The following HS6ST3 variants were observed in gnomAD, a reference collection of about 807,000 sequenced individuals.
The protein encoded by HS6ST3 is heparan sulfate 6-O-sulfotransferase 3.
In HS6ST3, 12 loss-of-function variants were observed where a neutral mutation model predicts 36.7. The observed-to-expected ratio is 0.33, with a 90% CI of 0.21 to 0.53. HS6ST3 has a LOEUF of 0.53. HS6ST3 is among the 20% of genes least tolerant of loss of function. HS6ST3 has a pLI of 0.95. For synonymous variants in HS6ST3, 240 were observed against 257.5 expected, an observed-to-expected ratio of 0.93 and a Z score of 0.65; for missense variants, 584 against 640.9, an observed-to-expected ratio of 0.91 and a Z score of 0.96.
At chr13:96,630,141 G>A (rs1462604933) in intron 1 of HS6ST3, among the ~76,000 whole-genome samples, 5 of 152,170 alleles carry the variant, frequency 3.3e-5, no homozygotes, top group Middle Eastern at 3.4e-3. Context: ...CTTTCTGGGA[G>A]CATGTGAAAC....
At chr13:96,364,333 A>G (rs565477111) in intron 1 of HS6ST3, among the ~76,000 whole-genome samples, 3 of 152,324 alleles carry the variant, frequency 2.0e-5, no homozygotes, top group Admixed American at 2.0e-4. Context: ...AATAGTCAAA[A>G]GGTGAAAACA....
intron 1 of HS6ST3, among the ~76,000 whole-genome samples, chr13:96,438,089 T>G (rs2055651941): frequency 6.6e-6 from 1 of 152,192 alleles, no homozygotes; most frequent in African/African-American, 2.4e-5. Context: ...ACATTCATCT[T>G]TAAGAGTTTC....
chr13:96,693,398 G>A (rs770310919), intron 1 of HS6ST3, among the ~76,000 whole-genome samples: 47 of 152,038 alleles, frequency 3.1e-4, no homozygotes, highest in Admixed American at 1.4e-3. Context: ...TCCACCTCCC[G>A]GGTTCAAGGA....
intron 1 of HS6ST3, among the ~76,000 whole-genome samples, chr13:96,820,606 G>C (rs976073418): frequency 1.3e-5 from 2 of 152,232 alleles, no homozygotes; most frequent in Non-Finnish European, 2.9e-5. Flanking sequence ...GTTTAGGTGA[G>C]GAAACTAAGG....
At chr13:96,744,434 T>G (rs1391900023) in intron 1 of HS6ST3, among the ~76,000 whole-genome samples, 1 of 152,070 alleles carries the variant, frequency 6.6e-6, no homozygotes, top group Non-Finnish European at 1.5e-5. Context: ...AAGAAATGAT[T>G]TTCTATTCAG....
chr13:96,309,684 T>G (rs991570804), intron 1 of HS6ST3, among the ~76,000 whole-genome samples: 1 of 152,190 alleles, frequency 6.6e-6, no homozygotes, highest in Non-Finnish European at 1.5e-5. Context: ...GTAGTTGTTT[T>G]GGCAAAAAGT....
chr13:96,704,524 C>A (rs1291973192), intron 1 of HS6ST3, among the ~76,000 whole-genome samples: 1 of 152,116 alleles, frequency 6.6e-6, no homozygotes, highest in Non-Finnish European at 1.5e-5. Flanking sequence ...GTTGAATGTA[C>A]ATAGAAGCAG....
At chr13:96,563,051 A>G (rs915758535) in intron 1 of HS6ST3, among the ~76,000 whole-genome samples, 3 of 152,228 alleles carry the variant, frequency 2.0e-5, no homozygotes, top group Admixed American at 6.5e-5. Flanking sequence ...CAAAAAAAAA[A>G]AAAAAAAAGT....
intron 1 of HS6ST3, among the ~76,000 whole-genome samples, chr13:96,669,839 G>T (rs546243702): frequency 6.6e-6 from 1 of 152,238 alleles, no homozygotes; most frequent in East Asian, 1.9e-4. Context: ...TAGTTGTGCA[G>T]CTGTTTCTTA....
chr13:96,591,218 T>C (rs1437667583), intron 1 of HS6ST3, among the ~76,000 whole-genome samples: 1 of 152,120 alleles, frequency 6.6e-6, no homozygotes, highest in Non-Finnish European at 1.5e-5. Flanking sequence ...ACTTTTTTTC[T>C]ATTTCTGTGA....
At chr13:96,721,767 G>T (rs1284318378) in intron 1 of HS6ST3, among the ~76,000 whole-genome samples, 1 of 152,080 alleles carries the variant, frequency 6.6e-6, no homozygotes, top group Non-Finnish European at 1.5e-5. Context: ...GACACCCAGG[G>T]CTTGTCTGGC....
chr13:96,626,009 TG>T (rs890007858), intron 1 of HS6ST3, among the ~76,000 whole-genome samples: 10 of 43,492 alleles, frequency 2.3e-4, no homozygotes, highest in Admixed American at 1.3e-3. Flanking sequence ...GCTAATTTTT[TG>T]TATTTTTTTT....
intron 1 of HS6ST3, among the ~76,000 whole-genome samples, chr13:96,830,961 G>A (rs963928929): frequency 4.6e-5 from 7 of 152,316 alleles, no homozygotes; most frequent in East Asian, 1.9e-4. Flanking sequence ...GGCCTGCTCC[G>A]CAATGGGGTC....
rs1413000772 is a variant in HS6ST3 at position 96,360,244 on chromosome 13, G to C, written c.707+268675G>C. Among the ~76,000 whole-genome samples the C allele has an allele frequency of 2.0e-5, 3 of 152,108 alleles. No homozygotes were observed. In the East Asian group the frequency reaches 5.8e-4, roughly 29 times the overall value. On this transcript the variant is annotated intron_variant, in intron 1 of 1. Transcript: ENST00000376705. ...CCACTTTGTAGGGAGGATACAGAGA[G>C]ACTCAGAGGACCTTAGCATCTGGGC...
chr13:96,751,462 G>A (rs1876699192), intron 1 of HS6ST3, among the ~76,000 whole-genome samples: 1 of 152,070 alleles, frequency 6.6e-6, no homozygotes, highest in Non-Finnish European at 1.5e-5. Flanking sequence ...GCCTTTGGAG[G>A]GAGCGCAAAC....
chr13:96,106,379 T>G (rs970662168), intron 1 of HS6ST3, among the ~76,000 whole-genome samples: 1 of 152,072 alleles, frequency 6.6e-6, no homozygotes, highest in African/African-American at 2.4e-5. Flanking sequence ...CTCTCTCCAC[T>G]TACTCTGGGG....
At chr13:96,652,326 G>A (rs2056610284) in intron 1 of HS6ST3, among the ~76,000 whole-genome samples, 1 of 151,696 alleles carries the variant, frequency 6.6e-6, no homozygotes, top group East Asian at 1.9e-4. Flanking sequence ...TATTTGCTAT[G>A]CAGTCCCGTC....
chr13:96,314,336 A>G (rs894991902), intron 1 of HS6ST3, among the ~76,000 whole-genome samples: 6 of 152,214 alleles, frequency 3.9e-5, no homozygotes, highest in African/African-American at 7.2e-5. Context: ...TCACACACAT[A>G]AGGCAGTTAT....
intron 1 of HS6ST3, among the ~76,000 whole-genome samples, chr13:96,419,278 G>T (rs2055550431): frequency 6.6e-6 from 1 of 152,164 alleles, no homozygotes; most frequent in South Asian, 2.1e-4. Flanking sequence ...CATCCTTCAA[G>T]ACTCTGCCAC....
Sources: allele counts gnomAD v4.1 joint callset (sites outside exome capture counted in the v4.1 genomes callset), GRCh38; gene constraint gnomAD v4.1.1; transcripts MANE v1.5; gene names NCBI Gene and HGNC (gene_info 2026-07-23, HGNC 2026-07-21).